The following PCDH15 variants were observed in gnomAD, a reference collection of about 807,000 sequenced individuals.
PCDH15 encodes the protein protocadherin related 15.
A neutral mutation model predicts 178.5 loss-of-function variants in PCDH15; 129 were observed. That is an observed-to-expected ratio of 0.72 (90% CI 0.63 to 0.84). The LOEUF (loss-of-function observed/expected upper bound fraction) is 0.84. PCDH15 is among the 40% of genes least tolerant of loss of function. The pLI, the probability that PCDH15 is intolerant of heterozygous loss-of-function variation, is 0.00. For missense variants in PCDH15, 2,230 were observed against 2,099.9 expected (o/e 1.06, Z -1.21); for synonymous variants, 800 against 732.0 (o/e 1.09, Z -1.50).
chr10:55,163,410 A>G (rs546033172), intron 2 of PCDH15, among the ~76,000 whole-genome samples: 1 of 152,300 alleles, frequency 6.6e-6, no homozygotes, highest in African/African-American at 2.4e-5. Flanking sequence ...CCACAGCCTC[A>G]GATTTATACA....
intron 2 of PCDH15, among the ~76,000 whole-genome samples, chr10:55,559,727 A>G (rs1842156592): frequency 6.6e-6 from 1 of 151,958 alleles, no homozygotes; most frequent in Non-Finnish European, 1.5e-5. Context: ...ACTGAACCAA[A>G]ATTTCTGCCA....
intron 2 of PCDH15, among the ~76,000 whole-genome samples, chr10:55,428,852 T>C (rs1378642118): frequency 6.6e-6 from 1 of 151,994 alleles, no homozygotes; most frequent in Non-Finnish European, 1.5e-5. Flanking sequence ...TATTGGCTTA[T>C]TTTTTCATTA....
rs1841012419 is a variant in PCDH15, at chr10:53,803,900, G to A, written c.*2679C>T. The A allele has an allele frequency of 6.6e-6, 1 of 151,792 alleles. No homozygotes were observed. Among genetic ancestry groups the A allele is most frequent in the South Asian group, 2.1e-4 (1 of 4,828 alleles). The allele number at this position is 151,792 out of a possible 1,614,324, so 9.4% of individuals were successfully genotyped here. On this transcript the variant is annotated 3_prime_UTR_variant, in exon 38 of 38. Transcript: ENST00000644397. ...AGAAAACCTTCCTACACCTTCCTAG[G>A]AAAAATAACAACCAATTTCTTTATA...
chr10:54,224,919 T>G (rs1193565712), intron 9 of PCDH15, among the ~76,000 whole-genome samples: 1 of 152,172 alleles, frequency 6.6e-6, no homozygotes, highest in Non-Finnish European at 1.5e-5. Context: ...TTTCAGCTAC[T>G]TGTTATAAAT....
intron 1 of PCDH15, among the ~76,000 whole-genome samples, chr10:54,786,133 G>T (rs1019735052): frequency 1.3e-5 from 2 of 151,986 alleles, no homozygotes; most frequent in African/African-American, 4.8e-5. Context: ...ATCACCGTCA[G>T]TTATAATTCT....
At position 55,296,043 on chromosome 10, in the gene PCDH15, G is replaced by C. The variant is rs80308800; in HGVS notation, c.-156+23556C>G. Reference sequence around the variant, plus strand: ...TTGCTGTAATGACTCACGATTCAGGGAAATACTTTCTTATTACTGGTTTAT... The same window carrying C: ...TTGCTGTAATGACTCACGATTCAGGCAAATACTTTCTTATTACTGGTTTAT... On this transcript the variant is annotated intron_variant, in intron 1 of 5. Transcript: ENST00000458638. 2.0e-3 allele frequency among the ~76,000 whole-genome samples: 302 copies of C among 152,164 alleles called. 1 individual carries two copies. Among genetic ancestry groups the C allele is most frequent in the African/African-American group, 7.0e-3 (289 of 41,524 alleles).
intron 13 of PCDH15, among the ~76,000 whole-genome samples, chr10:54,176,308 A>G (rs912502527): frequency 1.3e-5 from 2 of 152,196 alleles, no homozygotes; most frequent in Admixed American, 6.6e-5. Flanking sequence ...AACGCAAGCC[A>G]CAATAAAACA....
intron 2 of PCDH15, among the ~76,000 whole-genome samples, chr10:54,544,687 T>G (rs1002018946): frequency 6.6e-6 from 1 of 152,208 alleles, no homozygotes; most frequent in Non-Finnish European, 1.5e-5. Flanking sequence ...GATTTCTTAC[T>G]ATAAAACCAG....
intron 1 of PCDH15, among the ~76,000 whole-genome samples, chr10:54,706,052 G>T (rs78298147): frequency 0.019 from 2,910 of 152,250 alleles, 84 homozygotes; most frequent in African/African-American, 0.065. Flanking sequence ...TGAATGCTCA[G>T]ATGTATAAAG....
At chr10:55,186,182 G>A (rs1487617738) in intron 1 of PCDH15, among the ~76,000 whole-genome samples, 1 of 151,258 alleles carries the variant, frequency 6.6e-6, no homozygotes, top group Non-Finnish European at 1.5e-5. Context: ...TAAATATAAT[G>A]CAAATGATTT....
intron 3 of PCDH15, among the ~76,000 whole-genome samples, chr10:54,502,142 T>G (rs972013405): frequency 6.6e-6 from 1 of 152,060 alleles, no homozygotes; most frequent in African/African-American, 2.4e-5. Context: ...ATTCAAACAT[T>G]TGGTCAAGCA....
chr10:55,087,415 T>C (rs1028217854), intron 2 of PCDH15, among the ~76,000 whole-genome samples: 1 of 152,216 alleles, frequency 6.6e-6, no homozygotes, highest in East Asian at 1.9e-4. Context: ...GTGAAATGTT[T>C]GGCTGATAAG....
At chr10:54,836,751 A>C (rs1414472954) in intron 3 of PCDH15, among the ~76,000 whole-genome samples, 1 of 152,162 alleles carries the variant, frequency 6.6e-6, no homozygotes, top group Non-Finnish European at 1.5e-5. Flanking sequence ...TTACAGTGTT[A>C]ATAAATGGTT....
chr10:55,471,648 G>A (rs1839957524), intron 2 of PCDH15, among the ~76,000 whole-genome samples: 1 of 152,178 alleles, frequency 6.6e-6, no homozygotes, highest in African/African-American at 2.4e-5. Context: ...TGATCCACCT[G>A]CCTCGGTTGG....
intron 2 of PCDH15, among the ~76,000 whole-genome samples, chr10:54,588,284 C>T (rs1212723407): frequency 6.6e-6 from 1 of 152,102 alleles, no homozygotes; most frequent in African/African-American, 2.4e-5. Context: ...ATGGAAAAGG[C>T]ATCCCAACTG....
chr10:54,795,708 T>TGAG lies in PCDH15; in HGVS notation c.-29+5214_-29+5216dup, dbSNP rs1951883825. On this transcript the variant is annotated intron_variant, in intron 1 of 37. Coordinates refer to ENST00000644397, the MANE Select transcript of PCDH15 (RefSeq NM_001384140.1). ...AGACTATGAGATAGAAAATAATACC[T>TGAG]GAGTTTTCCAGGTGATGCAACTATA... Among the ~76,000 whole-genome samples the TGAG allele has an allele frequency of 2.6e-5, 4 of 151,924 alleles. No individual in the cohort carries two copies. In the South Asian group the frequency reaches 8.3e-4, roughly 31 times the overall value.
rs1841210252 is a variant in PCDH15 at position 55,053,220 on chromosome 10, A to G, written c.-80+113356T>C. On this transcript the variant is annotated intron_variant, in intron 2 of 5. Coordinates refer to the PCDH15 transcript ENST00000458638. ...CACATTTGACTGTCAGCCTAATTGG[A>G]AACTACTATAGAAGTTCATATGATA... Among the ~76,000 whole-genome samples, 4 of 152,280 alleles carry G rather than the reference A, an allele frequency of 2.6e-5. No individual in the cohort carries two copies. In the South Asian group the frequency reaches 8.3e-4, roughly 32 times the overall value.
At chr10:54,824,345 G>A (rs1278722143) in intron 3 of PCDH15, among the ~76,000 whole-genome samples, 10 of 152,052 alleles carry the variant, frequency 6.6e-5, no homozygotes, top group Admixed American at 6.6e-4. Context: ...GTTACTGTCG[G>A]TTTCACAACT....
At chr10:53,935,691 C>T (rs1331476070) in intron 25 of PCDH15, among the ~76,000 whole-genome samples, 1 of 152,084 alleles carries the variant, frequency 6.6e-6, no homozygotes, top group African/African-American at 2.4e-5. Context: ...TCAGTATTCC[C>T]ATTTTGAGTA....
Sources: allele counts gnomAD v4.1 joint callset (sites outside exome capture counted in the v4.1 genomes callset), GRCh38; gene constraint gnomAD v4.1.1; transcripts MANE v1.5; gene names NCBI Gene and HGNC (gene_info 2026-07-23, HGNC 2026-07-21).